BLTP1: variants seen among roughly 807,000 people sequenced by gnomAD.
BLTP1 encodes the protein bridge-like lipid transfer protein family member 1.
At chr4:122,349,402 T>G in the BLTP1 span, 10 of 1,559,756 alleles carry the variant, frequency 6.4e-6, no homozygotes, top group Non-Finnish European at 8.7e-6. The surrounding 1 kb of genome is among the most constrained non-coding windows in gnomAD (Gnocchi z 4.5). Context: ...TCTCATGAGT[T>G]TTTCCCATGG....
the BLTP1 span, chr4:122,237,736 G>GTGCTGGGATTA: frequency 2.8e-6 from 1 of 356,508 alleles, no homozygotes; most frequent in Non-Finnish European, 3.9e-6. Flanking sequence ...TGTAATCCCA[G>GTGCTGGGATTA]CACTTTGGGA....
At chr4:122,329,120 T>C in the BLTP1 span, among the ~76,000 whole-genome samples, 1 of 151,804 alleles carries the variant, frequency 6.6e-6, no homozygotes, top group Admixed American at 6.6e-5. Context: ...TATTCCTTCA[T>C]TTTTCTGGAG....
the BLTP1 span, chr4:122,352,835 C>T: frequency 2.6e-6 from 4 of 1,556,592 alleles, no homozygotes; most frequent in Non-Finnish European, 3.5e-6. Flanking sequence ...CCACTTGCTG[C>T]CTCACTCTAC....
the BLTP1 span, chr4:122,248,924 G>A: frequency 5.1e-6 from 1 of 195,684 alleles, no homozygotes; most frequent in Admixed American, 6.6e-5. Context: ...ATATTCATTA[G>A]CAATAATCAG....
chr4:122,165,231 C>A, the BLTP1 span, among the ~76,000 whole-genome samples: 1 of 151,976 alleles, frequency 6.6e-6, no homozygotes, highest in African/African-American at 2.4e-5. Flanking sequence ...CTCCCCCGCA[C>A]CCTATGATAG....
At chr4:122,271,889 C>T in the BLTP1 span, among the ~76,000 whole-genome samples, 5 of 152,080 alleles carry the variant, frequency 3.3e-5, no homozygotes, top group Non-Finnish European at 7.4e-5. Flanking sequence ...ATTCAGATAT[C>T]CTGCCACCAC....
the BLTP1 span, among the ~76,000 whole-genome samples, chr4:122,238,587 T>C: frequency 6.6e-6 from 1 of 152,230 alleles, no homozygotes; most frequent in Admixed American, 6.5e-5. Context: ...TGGAAGTTTC[T>C]TGTCATCCCA....
At chr4:122,212,187 A>C in the BLTP1 span, 98 of 302,370 alleles carry the variant, frequency 3.2e-4, no homozygotes, top group Non-Finnish European at 4.3e-4. Flanking sequence ...ATAGCATCTC[A>C]ATATTTGAGT....
At chr4:122,235,545 C>G in the BLTP1 span, 1 of 885,126 alleles carries the variant, frequency 1.1e-6, no homozygotes. Context: ...GTGGCTCACA[C>G]CTGTAATCCC....
At chr4:122,207,642 T>C in the BLTP1 span, 2 of 1,575,342 alleles carry the variant, frequency 1.3e-6, no homozygotes, top group Non-Finnish European at 1.7e-6. Flanking sequence ...TTTAAGAGTA[T>C]GTATAGTTGA....
the BLTP1 span, among the ~76,000 whole-genome samples, chr4:122,294,876 A>T: frequency 6.6e-6 from 1 of 152,186 alleles, no homozygotes; most frequent in South Asian, 2.1e-4. Context: ...GTGACAAAAC[A>T]TACAGGAGCT....
the BLTP1 span, chr4:122,226,879 T>C: frequency 3.0e-5 from 43 of 1,456,466 alleles, no homozygotes; most frequent in Non-Finnish European, 3.5e-5. Context: ...CATTTATGAA[T>C]TTTAAAAAAT....
chr4:122,186,972 T>C, the BLTP1 span: 1 of 977,326 alleles, frequency 1.0e-6, no homozygotes, highest in Non-Finnish European at 1.2e-6. Flanking sequence ...GCACAAGGCA[T>C]TTGGGTGAGG....
chr4:122,334,151 G>A, the BLTP1 span: 2 of 197,866 alleles, frequency 1.0e-5, no homozygotes, highest in Non-Finnish European at 1.8e-5. Flanking sequence ...GGACATTAAA[G>A]ATTATCTGAA....
At chr4:122,191,047 C>T in the BLTP1 span, among the ~76,000 whole-genome samples, 1 of 152,136 alleles carries the variant, frequency 6.6e-6, no homozygotes, top group East Asian at 1.9e-4. Flanking sequence ...TCAACTGCCA[C>T]ACATTTACGG....
At chr4:122,156,091 G>A in the BLTP1 span, 1 of 375,330 alleles carries the variant, frequency 2.7e-6, no homozygotes, top group African/African-American at 2.2e-5. Flanking sequence ...AGGAAGAACA[G>A]TAGATTGGGG....
At chr4:122,226,922 C>A in the BLTP1 span, 5 of 972,372 alleles carry the variant, frequency 5.1e-6, no homozygotes, top group Admixed American at 3.3e-5. Flanking sequence ...AAGTCAAATA[C>A]ACATAGCCAT....
At chr4:122,238,437 C>T in the BLTP1 span, 3 of 1,002,064 alleles carry the variant, frequency 3.0e-6, no homozygotes, top group South Asian at 3.1e-5. Flanking sequence ...CTTCCCTCTC[C>T]ACTCCCCCAC....
At chr4:122,173,213 A>G in the BLTP1 span, 14 of 1,556,740 alleles carry the variant, frequency 9.0e-6, no homozygotes, top group Admixed American at 1.5e-4. Flanking sequence ...TTGTCTTACC[A>G]TTTTTTGTTG....
Sources: allele counts gnomAD v4.1 joint callset (sites outside exome capture counted in the v4.1 genomes callset), GRCh38; gene constraint gnomAD v4.1.1; non-coding constraint Gnocchi (gnomAD v3.1); transcripts MANE v1.5; gene names NCBI Gene and HGNC (gene_info 2026-07-23, HGNC 2026-07-21).